The following XPO5 variants were observed in gnomAD, a reference collection of about 807,000 sequenced individuals.
XPO5 encodes exportin 5.
A neutral mutation model predicts 160.6 loss-of-function variants in XPO5; 46 were observed. That is an observed-to-expected ratio of 0.29 (90% CI 0.23 to 0.37). The LOEUF is 0.37. Ranked by LOEUF, XPO5 falls within the 10% of genes least tolerant of loss-of-function variation. The probability of loss-of-function intolerance (pLI) is 1.00; values close to 1 mark genes in which losing one functional copy is unlikely to be tolerated. For missense variants in XPO5, 1,090 were observed against 1,463.9 expected (o/e 0.74, Z 4.17); for synonymous variants, 537 against 519.3 (o/e 1.03, Z -0.46).
chr6:43,547,825 G>A (rs1795035983), intron 18 of XPO5, 118 bp from the exon 19 acceptor site: 5 of 758,566 alleles, frequency 6.6e-6, no homozygotes, highest in Middle Eastern at 2.6e-4. Flanking sequence ...TATAGTGAGA[G>A]GAGTATAATC....
chr6:43,545,628 G>A (rs1361202640), intron 20 of XPO5, among the ~76,000 whole-genome samples: 2 of 152,012 alleles, frequency 1.3e-5, no homozygotes, highest in African/African-American at 4.8e-5. Context: ...AATCGCTTAA[G>A]CCTGGGAGGC....
At chr6:43,547,175 G>A (rs1425739702) in intron 19 of XPO5, 1 of 346,062 alleles carries the variant, frequency 2.9e-6, no homozygotes, top group East Asian at 7.7e-5. Context: ...TACTTGCCAG[G>A]TTAATTAATG....
intron 12 of XPO5, 113 bp from the exon 13 acceptor site, chr6:43,556,077 T>C: frequency 7.2e-7 from 1 of 1,394,484 alleles, no homozygotes; most frequent in Non-Finnish European, 9.7e-7. Flanking sequence ...GGAACTGTTT[T>C]GCAGACTTGT....
chr6:43,536,414 C>T (rs1377945378), intron 20 of XPO5, among the ~76,000 whole-genome samples: 1 of 130,366 alleles, frequency 7.7e-6, no homozygotes, highest in Non-Finnish European at 1.7e-5. Flanking sequence ...GACTCCAACT[C>T]GACAAAAAAA....
intron 11 of XPO5, among the ~76,000 whole-genome samples, chr6:43,559,388 G>A (rs1265314355): frequency 6.6e-6 from 1 of 152,188 alleles, no homozygotes; most frequent in East Asian, 1.9e-4. Context: ...ATTCTCTGAT[G>A]TTACAAATTG....
chr6:43,559,449 A>G (rs1374402262), intron 11 of XPO5, among the ~76,000 whole-genome samples: 1 of 152,208 alleles, frequency 6.6e-6, no homozygotes, highest in Admixed American at 6.5e-5. Flanking sequence ...ATTCATGAGC[A>G]ACTCTCTACT....
chr6:43,564,623 G>A (rs1269063648), intron 8 of XPO5, among the ~76,000 whole-genome samples: 1 of 151,856 alleles, frequency 6.6e-6, no homozygotes, highest in Non-Finnish European at 1.5e-5. Context: ...ATTTTTTTGA[G>A]ACAAGGTCTC....
In XPO5 at chr6:43,562,198, C is replaced by A. The variant is rs765572201; in HGVS notation, c.1011+49G>T. ...TCATTGAAACATAAGTTTCTAAATG[C>A]TCTTCCCAAATGGGCTTGAAGCTCT... On this transcript the variant is annotated intron_variant, in intron 9 of 31. Coordinates refer to ENST00000265351, the MANE Select transcript of XPO5 (RefSeq NM_020750.3). 8.1e-6 allele frequency: 12 copies of A among 1,472,818 alleles called. No individual in the cohort carries two copies. In the African/African-American group the frequency reaches 1.7e-4, roughly 21 times the overall value. 91.2% of individuals were successfully genotyped at this position (1,472,818 alleles called of 1,614,324 possible).
intron 1 of XPO5, among the ~76,000 whole-genome samples, chr6:43,575,255 G>A (rs1323312048): frequency 6.6e-6 from 1 of 152,240 alleles, no homozygotes; most frequent in Non-Finnish European, 1.5e-5. Flanking sequence ...ACAAACGAAA[G>A]TTAGCGAGAT....
rs141689928 is a variant in XPO5 at position 43,551,486 on chromosome 6, G to A, written c.1573-33C>T. 478 of 1,603,762 alleles carry A rather than the reference G, an allele frequency of 3.0e-4. No individual in the cohort carries two copies. In the African/African-American group the frequency reaches 5.4e-3, roughly 18 times the overall value. ...AAAGACATAAAACAGGTTGACAATG[G>A]CTGCCTCCACTTAGAAATAACCATT... On this transcript the variant is annotated intron_variant, in intron 14 of 31. Transcript: ENST00000265351.
intron 14 of XPO5, among the ~76,000 whole-genome samples, chr6:43,552,500 G>A (rs1454175640): frequency 2.6e-5 from 4 of 152,058 alleles, no homozygotes; most frequent in Non-Finnish European, 5.9e-5. Context: ...TTACAGACAT[G>A]CACCAGCATG....
chr6:43,568,179 G>T (rs1480611001), intron 6 of XPO5, among the ~76,000 whole-genome samples: 2 of 151,888 alleles, frequency 1.3e-5, no homozygotes, highest in African/African-American at 4.8e-5. Flanking sequence ...GTGGTGGCGG[G>T]CACCTGTAGT....
chr6:43,535,877 C>T (rs550849821), intron 20 of XPO5, among the ~76,000 whole-genome samples: 1 of 150,676 alleles, frequency 6.6e-6, no homozygotes, highest in East Asian at 2.0e-4. Context: ...AATCCCAGCA[C>T]TTAGGGAGGC....
intron 9 of XPO5, among the ~76,000 whole-genome samples, 171 bp from the exon 10 acceptor site, chr6:43,561,178 GTTACTTTGCCTACTCAATCATCATCA>G (rs1297011213): frequency 7.9e-5 from 12 of 152,044 alleles, no homozygotes; most frequent in East Asian, 7.7e-4. Context: ...TAAAATATAG[GTTACTTTGCCTACTCAATCATCATCA>G]TTACTTTGCC....
chr6:43,544,326 G>A (rs959634765), intron 20 of XPO5: 4 of 152,914 alleles, frequency 2.6e-5, no homozygotes, highest in African/African-American at 9.7e-5. Context: ...ATTTATAGAG[G>A]AAAAAACTGG....
At position 43,573,618 on chromosome 6, in the gene XPO5, T is replaced by TA. The variant is rs768411871; in HGVS notation, c.106-18dup. 1.2e-6 allele frequency: 2 copies of TA among 1,608,100 alleles called. No individual in the cohort carries two copies. The highest frequency in any genetic ancestry group is 2.2e-5 in the South Asian group (2 of 90,488). ...CTCACAAAACTGAAAGAAGAAAAGT[T>TA]AGTGTTTCCTTTCGAGGGCTGAGAG... On this transcript the variant is annotated splice_polypyrimidine_tract_variant and intron_variant, in intron 1 of 31. Coordinates refer to ENST00000265351, the MANE Select transcript of XPO5 (RefSeq NM_020750.3).
At chr6:43,573,978 C>T (rs906321362) in intron 1 of XPO5, among the ~76,000 whole-genome samples, 3 of 151,694 alleles carry the variant, frequency 2.0e-5, no homozygotes, top group Non-Finnish European at 2.9e-5. Context: ...TACAAGTGCA[C>T]GCCACCACAC....
At chr6:43,569,397 A>G (rs1211557159) in intron 5 of XPO5, among the ~76,000 whole-genome samples, 1 of 151,738 alleles carries the variant, frequency 6.6e-6, no homozygotes, top group African/African-American at 2.4e-5. Flanking sequence ...TTTTATCCTT[A>G]TATTTCAAAT....
rs945234322 is a variant in XPO5, at chr6:43,539,431, T to C, written c.2343-5424A>G. ...CCCCCAGGAAAAAGTCAATGATCTCTGATTCCTTAATGGGCAGGGAGAAGA... is the reference window on the plus strand; with the variant it reads ...CCCCCAGGAAAAAGTCAATGATCTCCGATTCCTTAATGGGCAGGGAGAAGA... On this transcript the variant is annotated intron_variant, in intron 20 of 31. Transcript: ENST00000265351. 10 of 1,566,540 alleles carry C rather than the reference T, an allele frequency of 6.4e-6. No individual in the cohort carries two copies. In the African/African-American group the frequency reaches 1.1e-4, roughly 17 times the overall value.
Sources: allele counts gnomAD v4.1 joint callset (sites outside exome capture counted in the v4.1 genomes callset), GRCh38; gene constraint gnomAD v4.1.1; transcripts MANE v1.5; gene names NCBI Gene and HGNC (gene_info 2026-07-23, HGNC 2026-07-21).